Variants in SFMBT2 observed in about 807,000 individuals in gnomAD.
SFMBT2 encodes the protein Scm like with four mbt domains 2, also known as scm-like with four MBT domains protein 2.
Under a neutral mutation model 110.1 loss-of-function variants are expected in SFMBT2, and 38 were observed. The ratio of observed to expected loss-of-function variants is 0.35; its 90% CI spans 0.27 to 0.45. SFMBT2 has a LOEUF of 0.45. Among genes scored for constraint, SFMBT2 ranks in the 20% least tolerant of loss-of-function variants. The pLI is 1.00. For missense variants in SFMBT2, 1,011 were observed against 1,094.9 expected (o/e 0.92, Z 1.08); for synonymous variants, 425 against 425.4 (o/e 1.00, Z 0.01).
intron 4 of SFMBT2, among the ~76,000 whole-genome samples, chr10:7,308,413 A>G (rs1358748568): frequency 6.6e-6 from 1 of 152,190 alleles, no homozygotes; most frequent in Non-Finnish European, 1.5e-5. Flanking sequence ...GGCATGTTAC[A>G]TACCTAATAA....
rs1294916158 is a variant in SFMBT2 at position 7,161,444 on chromosome 10, G to C, written c.*2326C>G. On this transcript the variant is annotated 3_prime_UTR_variant, in exon 21 of 21. Transcript: ENST00000397167. The stretch of plus-strand genomic sequence containing the variant: ...GGGAAAATGCCAAAGATCTGGAAAT[G>C]GATGCCCTTTCCAATCGTTTGACAG... 1.3e-5 allele frequency: 2 copies of C among 152,264 alleles called. No individual in the cohort carries two copies. Among genetic ancestry groups the C allele is most frequent in the African/African-American group, 2.4e-5 (1 of 41,460 alleles). The allele number at this position is 152,264 out of a possible 1,614,324, so 9.4% of individuals were successfully genotyped here. A position where few individuals can be genotyped will look rare whatever the true frequency, so the allele number is the denominator to read the frequency against.
chr10:7,165,125 C>T (rs1422509327), intron 20 of SFMBT2, among the ~76,000 whole-genome samples: 2 of 152,140 alleles, frequency 1.3e-5, no homozygotes, highest in South Asian at 4.1e-4. Flanking sequence ...GAGGGAGTCA[C>T]TGAGGGGTCT....
At chr10:7,254,989 C>T (rs753740947) in intron 7 of SFMBT2, among the ~76,000 whole-genome samples, 24 of 152,282 alleles carry the variant, frequency 1.6e-4, no homozygotes, top group East Asian at 3.9e-4. Context: ...TCAACACCAG[C>T]GAATTTCCAA....
chr10:7,305,222 C>T (rs1391328930), intron 4 of SFMBT2, among the ~76,000 whole-genome samples: 3 of 152,212 alleles, frequency 2.0e-5, no homozygotes, highest in Non-Finnish European at 2.9e-5. Flanking sequence ...CACCTGCAAT[C>T]GTCTTCTTTC....
In SFMBT2 at chr10:7,277,878, T is replaced by G. The variant is rs1007781357; in HGVS notation, c.773-889A>C. On this transcript the variant is annotated intron_variant, in intron 6 of 20. Transcript: ENST00000397167. Reference sequence around the variant, plus strand: ...AACAGTAAACCTTTGGGACTGTATTTTTAATTTCTTGCATGTCTGCTTTTT... The same window carrying G: ...AACAGTAAACCTTTGGGACTGTATTGTTAATTTCTTGCATGTCTGCTTTTT... Among the ~76,000 whole-genome samples the G allele has an allele frequency of 2.6e-5, 4 of 152,252 alleles. No individual in the cohort carries two copies. In the South Asian group the frequency reaches 8.3e-4, roughly 32 times the overall value.
intron 7 of SFMBT2, among the ~76,000 whole-genome samples, chr10:7,251,228 C>A (rs1840797382): frequency 6.6e-6 from 1 of 151,610 alleles, no homozygotes; most frequent in Non-Finnish European, 1.5e-5. Context: ...GTAATCCCAG[C>A]ACTTTGGGAG....
At chr10:7,203,455 AC>A in intron 12 of SFMBT2, 1 of 236,136 alleles carries the variant, frequency 4.2e-6, no homozygotes, top group Non-Finnish European at 6.9e-6. Flanking sequence ...AGAGCCAAGC[AC>A]AACAGACAGA....
intron 5 of SFMBT2, chr10:7,285,236 C>T (rs1439826102): frequency 6.6e-6 from 1 of 152,190 alleles, no homozygotes; most frequent in African/African-American, 2.4e-5. Flanking sequence ...ACAAATACTA[C>T]ATATACATAC....
chr10:7,351,659 A>T (rs1476515238), intron 4 of SFMBT2, among the ~76,000 whole-genome samples: 1 of 152,210 alleles, frequency 6.6e-6, no homozygotes, highest in Admixed American at 6.5e-5. Context: ...TAGCACAGGC[A>T]AGTATGATCA....
At chr10:7,224,469 CAG>C (rs921835430) in intron 10 of SFMBT2, among the ~76,000 whole-genome samples, 9 of 152,148 alleles carry the variant, frequency 5.9e-5, no homozygotes, top group African/African-American at 2.2e-4. Context: ...TTCATCAGGC[CAG>C]AGAGACCATG....
At chr10:7,210,179 G>A (rs1037487797) in intron 11 of SFMBT2, among the ~76,000 whole-genome samples, 9 of 152,198 alleles carry the variant, frequency 5.9e-5, no homozygotes, top group Middle Eastern at 3.4e-3. Flanking sequence ...AACACACCAC[G>A]GCTCCACCCA....
intron 13 of SFMBT2, chr10:7,200,942 A>G: frequency 1.4e-6 from 1 of 724,278 alleles, no homozygotes; most frequent in Non-Finnish European, 1.7e-6. Context: ...CACACTAAAA[A>G]TAAGGCCTTA....
chr10:7,180,295 A>ATTTTTTTTTTTT (rs35437776), intron 16 of SFMBT2, among the ~76,000 whole-genome samples: 2 of 143,746 alleles, frequency 1.4e-5, no homozygotes. Flanking sequence ...TATAGTGGTA[A>ATTTTTTTTTTTT]TTTTTTTTTT....
At chr10:7,217,959 A>G (rs1359299277) in intron 11 of SFMBT2, among the ~76,000 whole-genome samples, 1 of 152,210 alleles carries the variant, frequency 6.6e-6, no homozygotes, top group East Asian at 1.9e-4. Context: ...CATGTAGTTT[A>G]TTCATTGCTC....
chr10:7,239,059 T>C (rs1004043670), intron 9 of SFMBT2, among the ~76,000 whole-genome samples: 1 of 152,188 alleles, frequency 6.6e-6, no homozygotes, highest in African/African-American at 2.4e-5. Context: ...CTCTAAGGTG[T>C]GAGGACAAAT....
chr10:7,312,747 T>G (rs1361273012), intron 4 of SFMBT2, among the ~76,000 whole-genome samples: 1 of 152,236 alleles, frequency 6.6e-6, no homozygotes, highest in Non-Finnish European at 1.5e-5. Flanking sequence ...TGGTGTTTAC[T>G]GAACCCCCCA....
At chr10:7,370,539 G>A (rs533154461) in intron 2 of SFMBT2, among the ~76,000 whole-genome samples, 164 bp from the exon 3 acceptor site, 1 of 152,214 alleles carries the variant, frequency 6.6e-6, no homozygotes. Context: ...GCTGATTTTA[G>A]AAGTGTTGAC....
intron 9 of SFMBT2, among the ~76,000 whole-genome samples, chr10:7,236,970 C>T (rs1460948231): frequency 2.6e-5 from 4 of 152,178 alleles, no homozygotes; most frequent in African/African-American, 9.7e-5. Context: ...GGGTAGGATG[C>T]AGTGCTCAAC....
intron 12 of SFMBT2, chr10:7,203,110 GC>G: frequency 1.0e-6 from 1 of 985,326 alleles, no homozygotes; most frequent in Non-Finnish European, 1.2e-6. Flanking sequence ...ATAGACCAAA[GC>G]TTTTGGCATC....
Sources: allele counts gnomAD v4.1 joint callset (sites outside exome capture counted in the v4.1 genomes callset), GRCh38; gene constraint gnomAD v4.1.1; transcripts MANE v1.5; gene names NCBI Gene and HGNC (gene_info 2026-07-23, HGNC 2026-07-21).